STS: variants seen among roughly 807,000 people sequenced by gnomAD.
STS encodes steroid sulfatase.
In STS, 7 loss-of-function variants were observed where a neutral mutation model predicts 26.8. The ratio of observed to expected loss-of-function variants is 0.26; its 90% CI spans 0.15 to 0.49. The LOEUF (loss-of-function observed/expected upper bound fraction) is 0.49, where lower values mean the gene tolerates loss of function less well. Among genes scored for constraint, STS ranks in the 20% least tolerant of loss-of-function variants. The pLI, the probability that STS is intolerant of heterozygous loss-of-function variation, is 0.98. For missense variants in STS, 434 were observed against 465.6 expected (o/e 0.93, Z 0.63); for synonymous variants, 199 against 189.4 (o/e 1.05, Z -0.42).
chrX:7,298,162 G>C (rs1925757306), intron 7 of STS, among the ~76,000 whole-genome samples: 1 of 111,093 alleles, frequency 9.0e-6, no homozygotes, highest in Admixed American at 9.7e-5. Context: ...TGAGTAGGTA[G>C]GAAAGACTTC....
chrX:7,259,080 G>A (rs1923589791), intron 5 of STS, among the ~76,000 whole-genome samples: 1 of 110,938 alleles, frequency 9.0e-6, no homozygotes, highest in Admixed American at 9.6e-5. Context: ...AGTGAGTAGA[G>A]GATTTTTATC....
At chrX:7,272,032 G>T (rs1223162077) in intron 6 of STS, among the ~76,000 whole-genome samples, 1 of 109,513 alleles carries the variant, frequency 9.1e-6, no homozygotes, top group African/African-American at 3.3e-5. Flanking sequence ...TGAGCAGTTC[G>T]AGGAGCCCAA....
chrX:7,163,592 C>T (rs1351813231), intron 1 of STS, among the ~76,000 whole-genome samples: 9 of 112,337 alleles, frequency 8.0e-5, no homozygotes. Flanking sequence ...TTTTCCAGTA[C>T]CTGACTTCTC....
At position 7,276,091 on chromosome X, in the gene STS, C is replaced by T; in HGVS notation, c.943+4C>T. ...GAGGAAATGGACTGGAGTGTGGGTA[C>T]GTTTCTCCTCAGTGAGTGCTTAGAA... On this transcript the variant is annotated splice_donor_region_variant and intron_variant, in intron 7 of 10. Transcript: ENST00000674429. 1 of 1,208,451 alleles carries T rather than the reference C, an allele frequency of 8.3e-7. No individual in the cohort carries two copies. Among genetic ancestry groups the T allele is most frequent in the Non-Finnish European group, 1.1e-6 (1 of 894,004 alleles).
chrX:7,203,587 T>C lies in STS; in HGVS notation c.-5+12579T>C, dbSNP rs186296798. Among the ~76,000 whole-genome samples, 3 of 111,771 alleles carry C rather than the reference T, an allele frequency of 2.7e-5. No individual in the cohort carries two copies. In the Admixed American group the frequency reaches 2.9e-4, roughly 11 times the overall value. ...TGATTAAATTGTACTTTGTAAACTG[T>C]TTTTTTCTGTTTATAAAAGTAAGTA... On this transcript the variant is annotated intron_variant, in intron 2 of 10. Transcript: ENST00000674429.
At chrX:7,161,448 A>G (rs1190306425) in intron 1 of STS, among the ~76,000 whole-genome samples, 2 of 112,273 alleles carry the variant, frequency 1.8e-5, no homozygotes, top group African/African-American at 6.5e-5. Context: ...ATTGCAGAAA[A>G]TGAACATCCA....
chrX:7,228,165 G>A (rs761088532), intron 2 of STS, among the ~76,000 whole-genome samples: 1 of 111,548 alleles, frequency 9.0e-6, no homozygotes, highest in African/African-American at 3.3e-5. Flanking sequence ...TGGCTATGGT[G>A]AATAGTACTG....
At chrX:7,349,363 T>C (rs1928682404) in intron 10 of STS, among the ~76,000 whole-genome samples, 1 of 72,879 alleles carries the variant, frequency 1.4e-5, no homozygotes. Context: ...TGAGACAGAG[T>C]CTCATTCTGT....
intron 2 of STS, among the ~76,000 whole-genome samples, chrX:7,229,944 T>A (rs774123187): frequency 1.8e-4 from 20 of 110,744 alleles, no homozygotes; most frequent in Admixed American, 3.8e-4. Flanking sequence ...ACTGGTGTGA[T>A]CATGGTTCAC....
intron 10 of STS, among the ~76,000 whole-genome samples, chrX:7,346,133 G>A (rs1928513991): frequency 8.9e-6 from 1 of 111,889 alleles, no homozygotes; most frequent in Non-Finnish European, 1.9e-5. Context: ...CCTATGTGGA[G>A]GATGTTGAAT....
Position 7,350,360 on chromosome X carries a change from C to T in STS, c.*99C>T. The T allele has an allele frequency of 2.8e-6, 3 of 1,081,915 alleles. No individual in the cohort carries two copies. 89.2% of individuals were successfully genotyped at this position (1,081,915 alleles called of 1,213,427 possible). On this transcript the variant is annotated 3_prime_UTR_variant, in exon 11 of 11. Transcript: ENST00000674429. The stretch of plus-strand genomic sequence containing the variant: ...CTGGGGAAACATAACTCCATCTACA[C>T]CTTGGATTTGGACTGATTCTCCATT...
intron 1 of STS, among the ~76,000 whole-genome samples, chrX:7,185,272 C>G (rs1933751426): frequency 8.9e-6 from 1 of 112,962 alleles, no homozygotes; most frequent in Non-Finnish European, 1.9e-5. Context: ...CTAACCCTAT[C>G]ATCTAGGTCA....
chrX:7,265,012 A>G (rs1243741477), intron 6 of STS, among the ~76,000 whole-genome samples: 1 of 83,591 alleles, frequency 1.2e-5, no homozygotes, highest in Non-Finnish European at 2.3e-5. Flanking sequence ...TTTCTACCCC[A>G]TTTTATTCTG....
rs767739043 is a variant in STS, at chrX:7,350,222, G to A, written c.1698G>A (p.Gln566=). The change falls in exon 11 of 11, where the codon CAG becomes CAA. Residue 566 remains glutamine (Q), a synonymous_variant. Transcript: ENST00000674429. ...GTCCTTCCACCGGCCTGTCTTGCCA[G>A]TGTGATAGAGAAAAACAGGATAAGA... The part of the protein sequence containing the change: ...LCCPSTGLSC[Q]CDREKQDKRL... 2.2e-5 allele frequency: 27 copies of A among 1,209,882 alleles called. No homozygotes were observed. Among genetic ancestry groups the A allele is most frequent in the South Asian group, 3.5e-5 (2 of 56,727 alleles).
intron 7 of STS, among the ~76,000 whole-genome samples, chrX:7,286,127 C>CTG (rs1272578817): frequency 2.7e-5 from 3 of 111,343 alleles, no homozygotes; most frequent in Non-Finnish European, 5.7e-5. Context: ...TTTAGGTTAT[C>CTG]TGTGTGTGTG....
At chrX:7,336,960 C>G (rs1163145791) in intron 10 of STS, among the ~76,000 whole-genome samples, 2 of 111,522 alleles carry the variant, frequency 1.8e-5, no homozygotes, top group Non-Finnish European at 3.8e-5. Context: ...TGATAGGCAA[C>G]TGGCCCCGGG....
Position 7,147,972 on chromosome X carries a change from G to C in STS, c.-245G>C. On this transcript the variant is annotated 5_prime_UTR_variant, in exon 1 of 11. Transcript: ENST00000674429. ...AACACCGCCCCGCCGCGGCCCCCAG[G>C]CCGTGACGTACCCCGCGCCGACCGT... is the stretch of plus-strand genomic sequence containing the variant. 1 of 763,696 alleles carries C rather than the reference G, an allele frequency of 1.3e-6. No individual in the cohort carries two copies. The highest frequency in any genetic ancestry group is 2.2e-5 in the African/African-American group (1 of 45,235). The allele number at this position is 763,696 out of a possible 1,213,427, so 62.9% of individuals were successfully genotyped here. A position where few individuals can be genotyped will look rare whatever the true frequency, so the allele number is the denominator to read the frequency against.
chrX:7,343,764 C>G (rs1352465567), intron 10 of STS, among the ~76,000 whole-genome samples: 2 of 112,085 alleles, frequency 1.8e-5, no homozygotes, highest in Non-Finnish European at 3.8e-5. Flanking sequence ...CAGCACCCCC[C>G]GCCCCTCCCG....
intron 8 of STS, among the ~76,000 whole-genome samples, chrX:7,324,604 G>C (rs916125493): frequency 8.1e-5 from 9 of 111,354 alleles, no homozygotes; most frequent in African/African-American, 2.9e-4. Flanking sequence ...CAAACAGTCT[G>C]TTTTGTCAGT....
Sources: gnomAD v4.1 joint callset for allele counts (sites outside exome capture counted in the v4.1 genomes callset) on GRCh38, gnomAD v4.1.1 for gene constraint, MANE v1.5 for transcripts, NCBI Gene and HGNC (gene_info 2026-07-23, HGNC 2026-07-21) for gene names.